The following XDH variants were observed in gnomAD, a reference collection of about 807,000 sequenced individuals.
XDH encodes the protein xanthine dehydrogenase.
In XDH, 138 loss-of-function variants were observed where a neutral mutation model predicts 156.1. That is an observed-to-expected ratio of 0.88 (90% CI 0.77 to 1.02). The LOEUF (loss-of-function observed/expected upper bound fraction) is 1.02. Ranked by LOEUF, XDH falls within the 50% of genes least tolerant of loss-of-function variation. The pLI is 0.00. For synonymous variants in XDH, 669 were observed against 625.7 expected, an observed-to-expected ratio of 1.07 and a Z score of -1.03; for missense variants, 1,849 against 1,684.9, an observed-to-expected ratio of 1.10 and a Z score of -1.71.
At chr2:31,352,729 A>G (rs1055128164) in intron 24 of XDH, among the ~76,000 whole-genome samples, 14 of 152,224 alleles carry the variant, frequency 9.2e-5, no homozygotes, top group African/African-American at 3.4e-4. Flanking sequence ...ATACTTGAAG[A>G]GAACAAGAAA....
At chr2:31,390,845 T>C (rs376472351) in intron 6 of XDH, among the ~76,000 whole-genome samples, 1 of 152,222 alleles carries the variant, frequency 6.6e-6, no homozygotes, top group African/African-American at 2.4e-5. Flanking sequence ...ATTTTTTAAT[T>C]TAGTTGTTCA....
chr2:31,366,246 A>G, intron 21 of XDH, 137 bp from the exon 22 acceptor site: 1 of 1,511,084 alleles, frequency 6.6e-7, no homozygotes, highest in Non-Finnish European at 9.1e-7. Flanking sequence ...AATCCCATGC[A>G]GCTTTGTGGT....
At chr2:31,391,128 T>C (rs1686750537) in intron 6 of XDH, among the ~76,000 whole-genome samples, 2 of 152,242 alleles carry the variant, frequency 1.3e-5, no homozygotes, top group South Asian at 2.1e-4. Flanking sequence ...TTATGATTCA[T>C]TTTGAGTTAA....
chr2:31,363,265 C>T (rs2148765412), intron 24 of XDH, among the ~76,000 whole-genome samples: 1 of 152,326 alleles, frequency 6.6e-6, no homozygotes, highest in East Asian at 1.9e-4. Flanking sequence ...GAGCCAAGAT[C>T]GTGCCACTGC....
chr2:31,346,691 T>G, intron 30 of XDH, 78 bp downstream of exon 30: 1 of 1,540,472 alleles, frequency 6.5e-7, no homozygotes, highest in Admixed American at 1.7e-5. Flanking sequence ...TCCTATTACT[T>G]GTTCGGATTC....
intron 35 of XDH, among the ~76,000 whole-genome samples, chr2:31,337,300 C>T (rs189795823): frequency 3.3e-5 from 5 of 152,134 alleles, no homozygotes; most frequent in African/African-American, 4.8e-5. Flanking sequence ...AAAATGCTAG[C>T]GACTGACTCA....
chr2:31,346,706 C>G, intron 30 of XDH, 63 bp downstream of exon 30: 1 of 1,590,330 alleles, frequency 6.3e-7, no homozygotes, highest in Non-Finnish European at 8.6e-7. Flanking sequence ...GGATTCGGAA[C>G]GGAGGCCCTG....
intron 1 of XDH, among the ~76,000 whole-genome samples, chr2:31,409,032 T>A (rs756131239): frequency 9.9e-5 from 15 of 152,128 alleles, no homozygotes; most frequent in Non-Finnish European, 2.2e-4. Flanking sequence ...GTGAAATAAG[T>A]CAGGTACAGA....
Position 31,403,053 on chromosome 2 carries a change from C to A in XDH, c.192G>T (p.Lys64Asn), listed in dbSNP as rs182317768. 347 of 1,614,160 alleles carry A rather than the reference C, an allele frequency of 2.1e-4. 2 individuals are homozygous for A. Among genetic ancestry groups the A allele is most frequent in the Non-Finnish European group, 1.5e-5 (18 of 1,180,028 alleles). Reference protein sequence around the residue: ...MLSKYDRLQNKIVHFSANACL... With the variant: ...MLSKYDRLQNNIVHFSANACL... Reference sequence around the variant, plus strand: ...AGCCAGCAGGCAAAGGATACACGATCTTGTTCTGCAGACGATCATACTTGG... The same window carrying A: ...AGCCAGCAGGCAAAGGATACACGATATTGTTCTGCAGACGATCATACTTGG... Residue 64 changes from lysine (K) to asparagine (N), a missense_variant, in exon 3 of 36, where the codon AAG (lysine) becomes AAT (asparagine). By Grantham distance (94) the Lys-to-Asn change is moderately conservative. Coordinates refer to ENST00000379416, the MANE Select transcript of XDH (RefSeq NM_000379.4).
intron 8 of XDH, among the ~76,000 whole-genome samples, chr2:31,387,143 CAA>C (rs1320011105): frequency 1.3e-5 from 2 of 152,192 alleles, no homozygotes; most frequent in African/African-American, 4.8e-5. Flanking sequence ...CCAGTATTTT[CAA>C]AGTTTCACAG....
intron 6 of XDH, among the ~76,000 whole-genome samples, chr2:31,393,067 G>A (rs1376825727): frequency 6.6e-6 from 1 of 152,176 alleles, no homozygotes; most frequent in Non-Finnish European, 1.5e-5. Context: ...GTCCATCTAG[G>A]TGAATGCTCC....
intron 2 of XDH, 138 bp from the exon 3 acceptor site, chr2:31,403,282 G>T: frequency 1.2e-6 from 1 of 857,816 alleles, no homozygotes; most frequent in Non-Finnish European, 1.8e-6. Context: ...AAGGCAGCAG[G>T]CCCACTGGCC....
intron 6 of XDH, among the ~76,000 whole-genome samples, chr2:31,391,657 T>C (rs1407822830): frequency 6.6e-6 from 1 of 152,244 alleles, no homozygotes; most frequent in Non-Finnish European, 1.5e-5. Context: ...TGTTTAGTTC[T>C]TTGATTTTGT....
chr2:31,342,371 G>A, intron 31 of XDH, 74 bp from the exon 32 acceptor site: 1 of 1,294,862 alleles, frequency 7.7e-7, no homozygotes, highest in Non-Finnish European at 1.1e-6. Flanking sequence ...CGTACAGCTT[G>A]ACCCACAACA....
intron 24 of XDH, among the ~76,000 whole-genome samples, chr2:31,360,828 T>TCTC (rs1235274161): frequency 1.4e-5 from 2 of 147,870 alleles, no homozygotes; most frequent in African/African-American, 5.4e-5. Flanking sequence ...TTGGAATGTA[T>TCTC]CTCCTGCAGA....
intron 20 of XDH, among the ~76,000 whole-genome samples, chr2:31,367,283 A>C (rs1278332259): frequency 6.6e-6 from 1 of 152,266 alleles, no homozygotes; most frequent in Non-Finnish European, 1.5e-5. Context: ...CAAGGATTTC[A>C]AAAACCATCA....
intron 1 of XDH, among the ~76,000 whole-genome samples, chr2:31,409,016 C>A (rs564357411): frequency 6.6e-6 from 1 of 152,118 alleles, no homozygotes; most frequent in Admixed American, 6.5e-5. Flanking sequence ...GAGGTCATTA[C>A]GTTAAGTGAA....
chr2:31,384,500 G>A (rs1387117541), intron 9 of XDH: 1 of 155,542 alleles, frequency 6.4e-6, no homozygotes, highest in Non-Finnish European at 1.4e-5. Context: ...GTCTGGCTTT[G>A]CGGGGCCACA....
chr2:31,359,355 C>T (rs1273395744), intron 24 of XDH, among the ~76,000 whole-genome samples: 1 of 144,852 alleles, frequency 6.9e-6, no homozygotes, highest in Non-Finnish European at 1.5e-5. Context: ...ACATGTTTAA[C>T]AAAACAAAAC....
Sources: allele counts gnomAD v4.1 joint callset (sites outside exome capture counted in the v4.1 genomes callset), GRCh38; gene constraint gnomAD v4.1.1; transcripts MANE v1.5; gene names NCBI Gene and HGNC (gene_info 2026-07-23, HGNC 2026-07-21).